Variants in AK5 observed in about 807,000 individuals in gnomAD.
AK5 encodes the protein adenylate kinase 5.
A neutral mutation model predicts 69.5 loss-of-function variants in AK5; 27 were observed. The ratio of observed to expected loss-of-function variants is 0.39; its 90% CI spans 0.29 to 0.54. The LOEUF (loss-of-function observed/expected upper bound fraction) is 0.54, where lower values mean the gene tolerates loss of function less well. AK5 is among the 20% of genes least tolerant of loss of function. AK5 has a pLI of 0.71. For missense variants in AK5, 531 were observed against 700.4 expected (o/e 0.76, Z 2.73); for synonymous variants, 260 against 244.4 (o/e 1.06, Z -0.60).
chr1:77,328,291 G>T (rs1660909484), intron 5 of AK5, among the ~76,000 whole-genome samples: 1 of 152,084 alleles, frequency 6.6e-6, no homozygotes. Flanking sequence ...ACGAGGTCAG[G>T]AGTTCAAGAC....
chr1:77,370,665 G>GTC (rs1162195278), intron 6 of AK5, among the ~76,000 whole-genome samples: 1 of 152,190 alleles, frequency 6.6e-6, no homozygotes, highest in Non-Finnish European at 1.5e-5. Flanking sequence ...ATTTAGTACA[G>GTC]TCTCTTGTAC....
At chr1:77,374,645 C>T (rs1423813401) in intron 6 of AK5, among the ~76,000 whole-genome samples, 1 of 151,752 alleles carries the variant, frequency 6.6e-6, no homozygotes, top group Non-Finnish European at 1.5e-5. Flanking sequence ...CACAATGAGA[C>T]CCTATCTCTA....
intron 8 of AK5, among the ~76,000 whole-genome samples, chr1:77,454,445 A>G (rs1304231848): frequency 6.6e-6 from 1 of 152,204 alleles, no homozygotes; most frequent in Non-Finnish European, 1.5e-5. Flanking sequence ...TTACTTTCTC[A>G]TCACATATCT....
chr1:77,383,384 G>C (rs1035937322), intron 6 of AK5, among the ~76,000 whole-genome samples: 41 of 152,196 alleles, frequency 2.7e-4, no homozygotes, highest in African/African-American at 9.9e-4. Context: ...GAAAGACAAA[G>C]ATTACCATTT....
chr1:77,543,626 G>A (rs1302936205), intron 13 of AK5, among the ~76,000 whole-genome samples: 2 of 151,888 alleles, frequency 1.3e-5, no homozygotes, highest in Non-Finnish European at 2.9e-5. Flanking sequence ...CAACTTCCCT[G>A]GGCCCAAGTA....
intron 6 of AK5, among the ~76,000 whole-genome samples, chr1:77,364,713 T>C (rs1570443819): frequency 6.6e-6 from 1 of 152,236 alleles, no homozygotes; most frequent in Admixed American, 6.5e-5. Flanking sequence ...CATTATTTTT[T>C]GTGACTGAAT....
intron 6 of AK5, among the ~76,000 whole-genome samples, chr1:77,406,759 C>T (rs1379851232): frequency 6.8e-6 from 1 of 147,912 alleles, no homozygotes; most frequent in African/African-American, 2.5e-5. Flanking sequence ...GTGCTCACAC[C>T]AGGCTTGGAA....
In AK5 at chr1:77,466,691, G is replaced by T. The variant is rs1422200048; in HGVS notation, c.1060-16626G>T. ...ACCAAGATCAAGGTGCCAGCATCTG[G>T]TGAGGGCCTGTTTGCTACGTCCTCA... On this transcript the variant is annotated intron_variant, in intron 8 of 13. Transcript: ENST00000354567. Among the ~76,000 whole-genome samples the T allele has an allele frequency of 2.0e-5, 3 of 152,218 alleles. No homozygotes were observed. The South Asian group carries it at 6.2e-4, about 32-fold the overall frequency.
chr1:77,428,357 G>T (rs915866838), intron 8 of AK5, among the ~76,000 whole-genome samples: 1 of 152,048 alleles, frequency 6.6e-6, no homozygotes, highest in Non-Finnish European at 1.5e-5. Context: ...TATCACTTAG[G>T]TTCTCAAAAC....
chr1:77,422,775 G>T (rs1040592336), intron 8 of AK5, among the ~76,000 whole-genome samples: 1 of 152,186 alleles, frequency 6.6e-6, no homozygotes, highest in African/African-American at 2.4e-5. Context: ...CCTGGCATAT[G>T]GCATATGCTC....
intron 6 of AK5, among the ~76,000 whole-genome samples, chr1:77,365,891 A>G (rs1176023803): frequency 3.3e-5 from 5 of 152,190 alleles, no homozygotes; most frequent in Non-Finnish European, 7.3e-5. Flanking sequence ...CATTGCTTTT[A>G]TAATCAGAGT....
intron 8 of AK5, among the ~76,000 whole-genome samples, chr1:77,442,892 T>C (rs535710617): frequency 8.8e-4 from 134 of 152,266 alleles, no homozygotes; most frequent in Non-Finnish European, 1.5e-3. Flanking sequence ...CAAGTAGCAA[T>C]GGCCTTTGTG....
chr1:77,348,360 T>G (rs1312984636), intron 6 of AK5, among the ~76,000 whole-genome samples: 2 of 152,232 alleles, frequency 1.3e-5, no homozygotes, highest in East Asian at 3.8e-4. Flanking sequence ...TGCGATAGTT[T>G]GCTGAGAATG....
At chr1:77,391,246 C>A (rs74092605) in intron 6 of AK5, among the ~76,000 whole-genome samples, 1 of 151,830 alleles carries the variant, frequency 6.6e-6, no homozygotes, top group Non-Finnish European at 1.5e-5. Flanking sequence ...AGACAGCACC[C>A]ATTAGCTAAG....
At chr1:77,319,926 A>G (rs1463689328) in intron 5 of AK5, among the ~76,000 whole-genome samples, 3 of 152,230 alleles carry the variant, frequency 2.0e-5, no homozygotes, top group Admixed American at 6.5e-5. Flanking sequence ...TAAAATGAAT[A>G]AACAGGGTAA....
intron 10 of AK5, among the ~76,000 whole-genome samples, chr1:77,496,230 C>G (rs143960992): frequency 0.019 from 2,841 of 152,258 alleles, 40 homozygotes; most frequent in Non-Finnish European, 0.026. Flanking sequence ...AAGGCAAGGA[C>G]TGAGGGAATG....
chr1:77,529,218 G>A (rs1281483613), intron 12 of AK5, among the ~76,000 whole-genome samples: 1 of 151,924 alleles, frequency 6.6e-6, no homozygotes, highest in Non-Finnish European at 1.5e-5. Flanking sequence ...CATAGGAATA[G>A]TAATTATTTT....
chr1:77,471,590 A>AG (rs1351208562), intron 8 of AK5, among the ~76,000 whole-genome samples: 2 of 152,298 alleles, frequency 1.3e-5, no homozygotes, highest in South Asian at 2.1e-4. Flanking sequence ...AGTAGTATGG[A>AG]GTTTCATCTA....
intron 6 of AK5, among the ~76,000 whole-genome samples, chr1:77,373,241 A>C (rs1647154431): frequency 6.6e-6 from 1 of 152,212 alleles, no homozygotes; most frequent in African/African-American, 2.4e-5. Flanking sequence ...TTTGAGGCAT[A>C]GACTTCAAAG....
Sources: allele counts gnomAD v4.1 joint callset (sites outside exome capture counted in the v4.1 genomes callset), GRCh38; gene constraint gnomAD v4.1.1; transcripts MANE v1.5; gene names NCBI Gene and HGNC (gene_info 2026-07-23, HGNC 2026-07-21).